The following ARAP3 variants were observed in gnomAD, a reference collection of about 807,000 sequenced individuals.
ARAP3 encodes arf-GAP with Rho-GAP domain, ANK repeat and PH domain-containing protein 3.
A neutral mutation model predicts 169.2 loss-of-function variants in ARAP3; 82 were observed. The observed-to-expected ratio is 0.48, with a 90% CI of 0.41 to 0.58. The LOEUF (loss-of-function observed/expected upper bound fraction) is 0.58. Among genes scored for constraint, ARAP3 ranks in the 20% least tolerant of loss-of-function variants. ARAP3 has a pLI of 0.00. For missense variants in ARAP3, 1,764 were observed against 2,018.0 expected (o/e 0.87, Z 2.41); for synonymous variants, 791 against 800.3 (o/e 0.99, Z 0.20).
At position 141,672,616 on chromosome 5, in the gene ARAP3, C is replaced by T. The variant is rs746071456; in HGVS notation, c.1321G>A (p.Gly441Ser). ...CTCTTGGTCTCCCGGACGCTGCAGC[C>T]CTGCAGTTCGATGAAGCAGATCCCG... is the stretch of plus-strand genomic sequence containing the variant. ...GIGICFIELQ[G>S]CSVRETKSRS... The change falls in exon 9 of 33, where the codon GGC (glycine) becomes AGC (serine). Residue 441 changes from glycine to serine, a missense_variant. Gly to Ser is a moderately conservative substitution (Grantham distance 56). This residue lies in a region of ARAP3 where 630 missense variants were observed against 678.7 expected (regional missense o/e 0.93). Coordinates refer to ENST00000239440, the MANE Select transcript of ARAP3 (RefSeq NM_022481.6). The surrounding 1 kb of genome is among the most constrained non-coding windows in gnomAD (Gnocchi z 4.9). The T allele has an allele frequency of 3.0e-5, 49 of 1,613,856 alleles. No homozygotes were observed. In the Middle Eastern group the frequency reaches 4.9e-4, roughly 16 times the overall value.
intron 3 of ARAP3, 34 bp from the exon 4 acceptor site, chr5:141,679,690 G>C (rs1188912466): frequency 6.2e-7 from 1 of 1,613,772 alleles, no homozygotes; most frequent in Non-Finnish European, 8.5e-7. Context: ...ACAAGGAAGA[G>C]GAGATCGCTG....
Position 141,656,549 on chromosome 5 carries a change from G to C in ARAP3, c.3744C>G (p.Phe1248Leu). Residue 1248 changes from phenylalanine to leucine, a missense_variant, in exon 27 of 33, where the codon TTC becomes TTG. By Grantham distance (22) the Phe-to-Leu change is conservative. This residue lies in a region of ARAP3 where 1,112 missense variants were observed against 1,285.7 expected (regional missense o/e 0.86). Transcript: ENST00000239440. ...RLLGSRFQER[F>L]FLLRGRCLLL... ...GCAGGCAGCGGCCACGCAGCAGAAA[G>C]AACCTCTCCTGGAAGCGGCTTCCCA... 3 of 1,612,858 alleles carry C rather than the reference G, an allele frequency of 1.9e-6. No individual in the cohort carries two copies. The highest frequency in any genetic ancestry group is 8.5e-7 in the Non-Finnish European group (1 of 1,179,494).
rs1409225708 is a variant in ARAP3 at position 141,658,440 on chromosome 5, C to G, written c.3451G>C (p.Val1151Leu). The change falls in exon 25 of 33, where the codon GTA (valine) becomes CTA (leucine). Residue 1151 changes from valine to leucine, a missense_variant. Val to Leu is a conservative substitution (Grantham distance 32, BLOSUM62 1). Transcript: ENST00000239440. ...GCTGCTGTCCCCCGCATCTCCAGTA[C>G]CTGGTTAGTCAGCTCCTCAGCAGTC... is the stretch of plus-strand genomic sequence containing the variant. ...TLTAEELTNQ[V>L]LEMRGTAAGM... is the part of the protein sequence containing the mutation. 1.2e-6 allele frequency: 2 copies of G among 1,614,096 alleles called. No homozygotes were observed. The highest frequency in any genetic ancestry group is 1.7e-6 in the Non-Finnish European group (2 of 1,180,056).
chr5:141,678,973 T>C (rs2099912595), intron 4 of ARAP3, among the ~76,000 whole-genome samples: 1 of 152,226 alleles, frequency 6.6e-6, no homozygotes, highest in Non-Finnish European at 1.5e-5. Context: ...TCAATAAATA[T>C]TTGTTGAATG....
At chr5:141,674,635 C>G (rs1465541697) in intron 4 of ARAP3, among the ~76,000 whole-genome samples, 1 of 152,168 alleles carries the variant, frequency 6.6e-6, no homozygotes, top group East Asian at 1.9e-4. Flanking sequence ...CCTGAGCATA[C>G]TTGGAATTTT....
chr5:141,679,031 G>A (rs1177961222), intron 4 of ARAP3, among the ~76,000 whole-genome samples: 1 of 151,918 alleles, frequency 6.6e-6, no homozygotes, highest in Non-Finnish European at 1.5e-5. Flanking sequence ...GCTCATGCCT[G>A]TAATCCCAGC....
In ARAP3 at chr5:141,659,391, A is replaced by T; in HGVS notation, c.3336+17T>A. 6.2e-7 allele frequency: 1 copy of T among 1,611,900 alleles called. No individual in the cohort carries two copies. Among genetic ancestry groups the T allele is most frequent in the Non-Finnish European group, 8.5e-7 (1 of 1,177,992 alleles). On this transcript the variant is annotated intron_variant, in intron 23 of 32. Coordinates refer to ENST00000239440, the MANE Select transcript of ARAP3 (RefSeq NM_022481.6). ...TCCTCCTGCCCCATTCAGGAGACTA[A>T]GGTCAGGACGAGTTACCTGCACGTC...
Position 141,655,210 on chromosome 5 carries a change from CA to C in ARAP3, c.4149+151del, listed in dbSNP as rs1596473463. On this transcript the variant is annotated intron_variant, in intron 32 of 32. Coordinates refer to ENST00000239440, the MANE Select transcript of ARAP3 (RefSeq NM_022481.6). ...ACACACACACACACACACACACACA[CA>C]CACCCTGATGGCCTACACACACACA... 189 of 686,194 alleles carry C rather than the reference CA, an allele frequency of 2.8e-4. 1 individual carries two copies. In the East Asian group the frequency reaches 4.7e-3, roughly 17 times the overall value. The allele number at this position is 686,194 out of a possible 1,614,324, so 42.5% of individuals were successfully genotyped here. A position where few individuals can be genotyped will look rare whatever the true frequency, so the allele number is the denominator to read the frequency against.
At chr5:141,673,571 T>G (rs2154599133) in intron 5 of ARAP3, 34 bp downstream of exon 5, 1 of 1,612,402 alleles carries the variant, frequency 6.2e-7, no homozygotes, top group East Asian at 2.2e-5. Context: ...TCCCAGCCTC[T>G]CTTTTCTCCC....
In ARAP3 at chr5:141,680,139, C is replaced by T; in HGVS notation, c.348G>A (p.Leu116=). 1 of 1,608,932 alleles carries T rather than the reference C, an allele frequency of 6.2e-7. No homozygotes were observed. Reference sequence around the variant, plus strand: ...CTCCTGGTCCCCCGAGGGCTGGGCTCAGCCCAGGTCTCTGAGTGGTGGCAG... The same window carrying T: ...CTCCTGGTCCCCCGAGGGCTGGGCTTAGCCCAGGTCTCTGAGTGGTGGCAG... ...SGPATTQRPG[L]SPALGGPGVS... The change falls in exon 2 of 33, where the codon CTG becomes CTA. Residue 116 remains leucine (L), a synonymous_variant. Transcript: ENST00000239440.
At chr5:141,667,104 G>A (rs1264278568) in intron 16 of ARAP3, among the ~76,000 whole-genome samples, 4 of 151,972 alleles carry the variant, frequency 2.6e-5, no homozygotes, top group Non-Finnish European at 5.9e-5. Flanking sequence ...TGTAGAGATA[G>A]GGTTTTGCCA....
In ARAP3 at chr5:141,679,650, A is replaced by T. The variant is rs753800387; in HGVS notation, c.593T>A (p.Ile198Asn). 2 of 1,614,028 alleles carry T rather than the reference A, an allele frequency of 1.2e-6. No individual in the cohort carries two copies. Among genetic ancestry groups the T allele is most frequent in the Non-Finnish European group, 1.7e-6 (2 of 1,179,988 alleles). Residue 198 changes from isoleucine to asparagine, a missense_variant, in exon 4 of 33, where the codon ATC becomes AAC. This residue lies in a region of ARAP3 where 630 missense variants were observed against 678.7 expected (regional missense o/e 0.93). Transcript: ENST00000239440. Reference sequence around the variant, plus strand: ...ATAGTACAGGCAACCAGGATCCATGATGTGCACTGGCAGGAGGAGAGGGGA... The same window carrying T: ...ATAGTACAGGCAACCAGGATCCATGTTGTGCACTGGCAGGAGGAGAGGGGA... ...ALRPTTGTVH[I>N]MDPGCLYYGV... is the part of the protein sequence containing the mutation.
chr5:141,672,259 G>T lies in ARAP3; in HGVS notation c.1428C>A (p.Ala476=). The change falls in exon 10 of 33, where the codon GCC becomes GCA. Residue 476 remains alanine (A), a synonymous_variant. Transcript: ENST00000239440. This position sits in a 1 kb window ranked among gnomAD's most constrained non-coding sequence, Gnocchi z 4.9. The stretch of plus-strand genomic sequence containing the variant: ...TCTCGGTTACTGCTTCCTGCAGAGC[G>T]GCCGCCCAGCTCTGCCGAGCACCCC... The part of the protein sequence containing the change: ...ESGGARQSWA[A]ALQEAVTETL... 1 of 1,614,158 alleles carries T rather than the reference G, an allele frequency of 6.2e-7. No individual in the cohort carries two copies. The highest frequency in any genetic ancestry group is 1.1e-5 in the South Asian group (1 of 91,084).
At chr5:141,655,225 T>TACAC (rs148481472) in intron 32 of ARAP3, 137 bp downstream of exon 32, 64,048 of 487,812 alleles carry the variant, frequency 0.13, 3,306 homozygotes, top group Admixed American at 0.22. Context: ...CCTGATGGCC[T>TACAC]ACACACACAC....
intron 21 of ARAP3, among the ~76,000 whole-genome samples, chr5:141,661,478 G>A (rs2099909966): frequency 6.6e-6 from 1 of 152,164 alleles, no homozygotes; most frequent in Non-Finnish European, 1.5e-5. Flanking sequence ...CTTACCCAAA[G>A]TCACACAGCT....
rs1465789425 is a variant in ARAP3 at position 141,658,356 on chromosome 5, C to T, written c.3526+9G>A. ...ACATGCATGAACACACAGGCGTGGT[C>T]ATACTCACCCAGCTCCCCATGCTCG... On this transcript the variant is annotated intron_variant, in intron 25 of 32. Coordinates refer to ENST00000239440, the MANE Select transcript of ARAP3 (RefSeq NM_022481.6). 6.2e-7 allele frequency: 1 copy of T among 1,612,572 alleles called. No homozygotes were observed. Among genetic ancestry groups the T allele is most frequent in the South Asian group, 1.1e-5 (1 of 90,974 alleles).
At chr5:141,669,043 T>G (rs1270266937) in intron 16 of ARAP3, among the ~76,000 whole-genome samples, 1 of 152,292 alleles carries the variant, frequency 6.6e-6, no homozygotes, top group African/African-American at 2.4e-5. Flanking sequence ...CCATCATTAT[T>G]ATTTCAACGC....
In ARAP3 at chr5:141,672,602, C is replaced by T. The variant is rs2099911596; in HGVS notation, c.1335G>A (p.Arg445=). ...GGTCAAAGCTTCGACTCTTGGTCTC[C>T]CGGACGCTGCAGCCCTGCAGTTCGA... is the stretch of plus-strand genomic sequence containing the variant. ...CFIELQGCSV[R]ETKSRSFDLL... The change falls in exon 9 of 33, where the codon CGG becomes CGA. Residue 445 remains arginine, a synonymous_variant. Coordinates refer to ENST00000239440, the MANE Select transcript of ARAP3 (RefSeq NM_022481.6). The surrounding 1 kb of genome is among the most constrained non-coding windows in gnomAD (Gnocchi z 4.9). The T allele has an allele frequency of 6.2e-7, 1 of 1,613,900 alleles. No individual in the cohort carries two copies. Among genetic ancestry groups the T allele is most frequent in the Admixed American group, 1.7e-5 (1 of 59,968 alleles).
At chr5:141,654,688 G>C (rs2099908972) in intron 32 of ARAP3, among the ~76,000 whole-genome samples, 1 of 151,886 alleles carries the variant, frequency 6.6e-6, no homozygotes, top group African/African-American at 2.4e-5. Flanking sequence ...ACTCCAAAAT[G>C]CATTCACTTC....
Sources: gnomAD v4.1 joint callset for allele counts (sites outside exome capture counted in the v4.1 genomes callset) on GRCh38, gnomAD v4.1.1 for gene constraint, gnomAD v4.1.1 regional missense constraint, Gnocchi (gnomAD v3.1) non-coding constraint, MANE v1.5 for transcripts, NCBI Gene and HGNC (gene_info 2026-07-23, HGNC 2026-07-21) for gene names.